ADARB2: variants seen among roughly 807,000 people sequenced by gnomAD.
ADARB2 encodes adenosine deaminase RNA specific B2 (inactive).
In ADARB2, 25 loss-of-function variants were observed where a neutral mutation model predicts 62.2. The ratio of observed to expected loss-of-function variants is 0.40; its 90% CI spans 0.29 to 0.56. The LOEUF (loss-of-function observed/expected upper bound fraction) is 0.56, where lower values mean the gene tolerates loss of function less well. Ranked by LOEUF, ADARB2 falls within the 20% of genes least tolerant of loss-of-function variation. The probability of loss-of-function intolerance (pLI) is 0.43; values close to 1 mark genes in which losing one functional copy is unlikely to be tolerated. For missense variants in ADARB2, 1,071 were observed against 1,077.4 expected (o/e 0.99, Z 0.08); for synonymous variants, 572 against 500.8 (o/e 1.14, Z -1.90).
rs369189105 is a variant in ADARB2, at chr10:1,462,833, T to C, written c.101-83673A>G. Reference sequence around the variant, plus strand: ...TGTGTGTCTGTGTGTAGTGTGCATGTGTGTATGTACATGTGTGTATGCATG... The same window carrying C: ...TGTGTGTCTGTGTGTAGTGTGCATGCGTGTATGTACATGTGTGTATGCATG... On this transcript the variant is annotated intron_variant, in intron 1 of 9. Coordinates refer to ENST00000381312, the MANE Select transcript of ADARB2 (RefSeq NM_018702.4). 2.0e-5 allele frequency among the ~76,000 whole-genome samples: 3 copies of C among 152,284 alleles called. No individual in the cohort carries two copies. In the South Asian group the frequency reaches 6.2e-4, roughly 32 times the overall value.
chr10:1,293,258 CAGA>C (rs1831492637), intron 3 of ADARB2, among the ~76,000 whole-genome samples: 1 of 81,732 alleles, frequency 1.2e-5, no homozygotes, highest in African/African-American at 5.4e-5. Flanking sequence ...GGGAGAGGGA[CAGA>C]GGGAGGGAAG....
At chr10:1,297,542 TGACCCAGA>T (rs1438735702) in intron 3 of ADARB2, among the ~76,000 whole-genome samples, 1 of 152,204 alleles carries the variant, frequency 6.6e-6, no homozygotes. Context: ...AAGAGCCCTC[TGACCCAGA>T]GACCCCCGAG....
chr10:1,285,226 C>T (rs1161607163), intron 3 of ADARB2, among the ~76,000 whole-genome samples: 2 of 152,146 alleles, frequency 1.3e-5, no homozygotes, highest in African/African-American at 2.4e-5. Flanking sequence ...CTCTTGGCAG[C>T]GGGGCAGGGT....
At chr10:1,578,413 G>A (rs1833049865) in intron 1 of ADARB2, among the ~76,000 whole-genome samples, 1 of 152,168 alleles carries the variant, frequency 6.6e-6, no homozygotes, top group Non-Finnish European at 1.5e-5. Context: ...ATCACTGCAA[G>A]CGACTTTGAA....
At chr10:1,356,441 A>G (rs1366023190) in intron 3 of ADARB2, among the ~76,000 whole-genome samples, 1 of 152,132 alleles carries the variant, frequency 6.6e-6, no homozygotes, top group Non-Finnish European at 1.5e-5. Context: ...GCCTGGGGTG[A>G]GCTGGTGGAA....
chr10:1,396,157 A>C (rs958610805), intron 1 of ADARB2, among the ~76,000 whole-genome samples: 3 of 152,162 alleles, frequency 2.0e-5, no homozygotes, highest in African/African-American at 7.2e-5. Flanking sequence ...TGCAAGTCTA[A>C]ATCTAATTAT....
intron 3 of ADARB2, among the ~76,000 whole-genome samples, chr10:1,289,349 C>T (rs1461167200): frequency 6.6e-6 from 1 of 152,264 alleles, no homozygotes; most frequent in Non-Finnish European, 1.5e-5. Context: ...ACACTGGGCA[C>T]ATGGCGTCAG....
intron 1 of ADARB2, among the ~76,000 whole-genome samples, chr10:1,583,881 T>A (rs1032267458): frequency 5.3e-5 from 8 of 152,080 alleles, no homozygotes; most frequent in Admixed American, 3.9e-4. Context: ...AGGGTTAGGG[T>A]TAAGGGTTGA....
intron 4 of ADARB2, among the ~76,000 whole-genome samples, chr10:1,254,269 T>C (rs1831061699): frequency 6.6e-6 from 1 of 152,108 alleles, no homozygotes; most frequent in Non-Finnish European, 1.5e-5. Flanking sequence ...TGTGAGGCAG[T>C]AGTAGTTTCT....
intron 1 of ADARB2, among the ~76,000 whole-genome samples, chr10:1,494,206 C>T (rs548795916): frequency 6.6e-6 from 1 of 152,202 alleles, no homozygotes; most frequent in Non-Finnish European, 1.5e-5. Flanking sequence ...GTATATTTTC[C>T]TCCATTTTTT....
chr10:1,403,338 G>A (rs1381571455), intron 1 of ADARB2, among the ~76,000 whole-genome samples: 2 of 152,186 alleles, frequency 1.3e-5, no homozygotes, highest in Non-Finnish European at 2.9e-5. Context: ...GGGCAATCAC[G>A]ATGTCTCTTT....
At position 1,477,677 on chromosome 10, in the gene ADARB2, C is replaced by T. The variant is rs748312286; in HGVS notation, c.101-98517G>A. 1.1e-4 allele frequency among the ~76,000 whole-genome samples: 17 copies of T among 152,304 alleles called. No homozygotes were observed. Among genetic ancestry groups the T allele is most frequent in the Middle Eastern group, 3.4e-3 (1 of 294 alleles). ...GACCAACATGAAGCGTCAGCCTGTG[C>T]GCCTCTTTCCAGACGATAGGCGGGG... On this transcript the variant is annotated intron_variant, in intron 1 of 9. Transcript: ENST00000381312. This position sits in a 1 kb window ranked among gnomAD's most constrained non-coding sequence, Gnocchi z 4.5.
intron 1 of ADARB2, among the ~76,000 whole-genome samples, chr10:1,563,840 C>T (rs1266792397): frequency 3.5e-5 from 5 of 141,290 alleles, no homozygotes; most frequent in African/African-American, 1.3e-4. Flanking sequence ...TCCATGTGTT[C>T]TCATTGTTCA....
intron 1 of ADARB2, among the ~76,000 whole-genome samples, chr10:1,692,794 G>A (rs933522496): frequency 1.3e-5 from 2 of 152,060 alleles, no homozygotes; most frequent in East Asian, 1.9e-4. Context: ...GAATAAGAAC[G>A]GTCAAAATAT....
rs546334880 is a variant in ADARB2 at position 1,350,437 on chromosome 10, G to A, written c.1077+12591C>T. Among the ~76,000 whole-genome samples the A allele has an allele frequency of 5.9e-5, 9 of 152,128 alleles. No homozygotes were observed. The East Asian group carries it at 1.4e-3, about 23-fold the overall frequency. ...AGGTCCCAATTCTTCATCAGCCTCC[G>A]CTCCTCTACCCAATAATCCTTTTAT... On this transcript the variant is annotated intron_variant, in intron 3 of 9. Coordinates refer to ENST00000381312, the MANE Select transcript of ADARB2 (RefSeq NM_018702.4).
chr10:1,625,255 G>A (rs889141021), intron 1 of ADARB2, among the ~76,000 whole-genome samples: 13 of 152,202 alleles, frequency 8.5e-5, no homozygotes, highest in African/African-American at 2.7e-4. Context: ...AGGCCTGTGC[G>A]GAGCCTGAGG....
chr10:1,720,855 G>A (rs1404686521), intron 1 of ADARB2, among the ~76,000 whole-genome samples: 5 of 152,174 alleles, frequency 3.3e-5, no homozygotes, highest in South Asian at 2.1e-4. Context: ...GTTTATTAAC[G>A]TGTGTGCCCG....
intron 4 of ADARB2, among the ~76,000 whole-genome samples, chr10:1,253,893 G>C (rs750201591): frequency 6.6e-6 from 1 of 152,130 alleles, no homozygotes; most frequent in Non-Finnish European, 1.5e-5. Flanking sequence ...GTTAGGATGC[G>C]GTGGGCTCTG....
intron 9 of ADARB2, among the ~76,000 whole-genome samples, chr10:1,184,539 A>G (rs1029859835): frequency 6.6e-6 from 1 of 152,164 alleles, no homozygotes; most frequent in African/African-American, 2.4e-5. Flanking sequence ...ATCGACTTCA[A>G]AAGTCCCCAG....
Sources: allele counts gnomAD v4.1 joint callset (sites outside exome capture counted in the v4.1 genomes callset), GRCh38; gene constraint gnomAD v4.1.1; non-coding constraint Gnocchi (gnomAD v3.1); transcripts MANE v1.5; gene names NCBI Gene and HGNC (gene_info 2026-07-23, HGNC 2026-07-21).